PCCA: variants seen among roughly 807,000 people sequenced by gnomAD.
The protein encoded by PCCA is propionyl-CoA carboxylase subunit alpha.
PCCA carries 74 observed loss-of-function variants against 101.3 expected under a neutral mutation model. The ratio of observed to expected loss-of-function variants is 0.73; its 90% CI spans 0.61 to 0.89. The LOEUF is 0.89. PCCA is among the 40% of genes least tolerant of loss of function. The pLI is 0.00. For missense variants in PCCA, 891 were observed against 907.0 expected (o/e 0.98, Z 0.23); for synonymous variants, 294 against 313.6 (o/e 0.94, Z 0.66).
Position 100,155,051 on chromosome 13 carries a change from G to A in PCCA, c.373G>A (p.Asp125Asn), listed in dbSNP as rs1202900562. The change falls in exon 5 of 24, where the codon GAT becomes AAT. Residue 125 changes from aspartate (D) to asparagine (N), a missense_variant. Asp to Asn is a conservative substitution (Grantham distance 23). Transcript: ENST00000376285. ...CACCAGTAAAAGCTACCTCAACATG[G>A]ATGCCATCATGGAAGCCATTAAGAA... ...APTSKSYLNM[D>N]AIMEAIKKTR... 3.1e-6 allele frequency: 5 copies of A among 1,613,850 alleles called. No individual in the cohort carries two copies. In the Admixed American group the frequency reaches 6.7e-5, roughly 22 times the overall value.
intron 21 of PCCA, among the ~76,000 whole-genome samples, chr13:100,475,788 A>C (rs945937477): frequency 1.3e-5 from 2 of 152,124 alleles, no homozygotes; most frequent in Non-Finnish European, 2.9e-5. Flanking sequence ...AGTTCTTCCC[A>C]CATCCTCACT....
intron 18 of PCCA, among the ~76,000 whole-genome samples, chr13:100,341,667 G>C (rs190169729): frequency 1.3e-5 from 2 of 152,150 alleles, no homozygotes; most frequent in African/African-American, 4.8e-5. Context: ...TGTTGCTTTT[G>C]TTTTAAAACC....
intron 18 of PCCA, among the ~76,000 whole-genome samples, chr13:100,354,184 G>A (rs867782855): frequency 6.6e-6 from 1 of 150,862 alleles, no homozygotes; most frequent in South Asian, 2.1e-4. Flanking sequence ...GCTGAGGTGG[G>A]AGGATCGGTT....
chr13:100,259,329 GTTTT>G (rs5806157), intron 9 of PCCA, among the ~76,000 whole-genome samples: 1 of 65,332 alleles, frequency 1.5e-5, no homozygotes, highest in Non-Finnish European at 2.8e-5. Flanking sequence ...AAATGTAATG[GTTTT>G]TTTTTTTTTT....
At chr13:100,425,598 C>T (rs2079086833) in intron 19 of PCCA, 35 bp from the exon 20 acceptor site, 1 of 1,424,472 alleles carries the variant, frequency 7.0e-7, no homozygotes, top group African/African-American at 1.4e-5. Context: ...TTCTGTCTTT[C>T]TTCATGGTAA....
intron 4 of PCCA, among the ~76,000 whole-genome samples, chr13:100,125,135 T>TTGTGTGTGTGTGTGTGTGTG (rs3034643): frequency 1.5e-3 from 218 of 149,224 alleles, no homozygotes; most frequent in African/African-American, 5.2e-3. Flanking sequence ...GACCTTTTAT[T>TTGTGTGTGTGTGTGTGTGTG]TGTGTGTGTG....
At chr13:100,208,213 C>T (rs1405760397) in intron 6 of PCCA, among the ~76,000 whole-genome samples, 4 of 152,166 alleles carry the variant, frequency 2.6e-5, no homozygotes, top group African/African-American at 9.7e-5. Context: ...TCTACTTCTA[C>T]TTCCTGCTCG....
chr13:100,355,099 G>A (rs1467079088), intron 18 of PCCA, among the ~76,000 whole-genome samples: 1 of 151,926 alleles, frequency 6.6e-6, no homozygotes, highest in Non-Finnish European at 1.5e-5. Flanking sequence ...TATATACAGT[G>A]ATATACATCA....
intron 8 of PCCA, among the ~76,000 whole-genome samples, chr13:100,256,986 A>AT (rs2062118152): frequency 6.6e-6 from 1 of 152,160 alleles, no homozygotes; most frequent in Admixed American, 6.6e-5. Context: ...TTGTATTTTC[A>AT]TAACACCCTG....
intron 4 of PCCA, among the ~76,000 whole-genome samples, chr13:100,134,837 C>T (rs1298158831): frequency 1.3e-5 from 2 of 152,048 alleles, no homozygotes; most frequent in Admixed American, 1.3e-4. Flanking sequence ...CATGCCTAGC[C>T]TGTTTAGGTC....
intron 7 of PCCA, among the ~76,000 whole-genome samples, chr13:100,213,715 G>T (rs1211443463): frequency 1.3e-5 from 2 of 152,134 alleles, no homozygotes; most frequent in Non-Finnish European, 2.9e-5. Context: ...CCTTGGCTGT[G>T]TGGAAGCTTT....
In PCCA at chr13:100,209,280, A is replaced by T. The variant is rs139804949; in HGVS notation, c.469-52A>T. The T allele has an allele frequency of 1.3e-5, 20 of 1,552,540 alleles. No homozygotes were observed. The African/African-American group carries it at 2.6e-4, about 20-fold the overall frequency. On this transcript the variant is annotated intron_variant, in intron 6 of 23. Coordinates refer to ENST00000376285, the MANE Select transcript of PCCA (RefSeq NM_000282.4). ...TTCTTTTATAAAATTGTGACTCCAC[A>T]TCATGCTCCGTAATGTTCTTGTTAT...
intron 6 of PCCA, among the ~76,000 whole-genome samples, chr13:100,182,851 C>T (rs2056924374): frequency 6.6e-6 from 1 of 152,124 alleles, no homozygotes; most frequent in South Asian, 2.1e-4. Flanking sequence ...CTGCCTTTTG[C>T]CACTCCCGTC....
At position 100,530,237 on chromosome 13, in the gene PCCA, T is replaced by C. The variant is rs974882971; in HGVS notation, c.*71T>C. ...GCATGATGCTTTCACACACAATTGATTCAAGCATTATACAGGAACACCCCT... is the reference window on the plus strand; with the variant it reads ...GCATGATGCTTTCACACACAATTGACTCAAGCATTATACAGGAACACCCCT... On this transcript the variant is annotated 3_prime_UTR_variant, in exon 24 of 24. Transcript: ENST00000376285. 5 of 1,227,026 alleles carry C rather than the reference T, an allele frequency of 4.1e-6. No homozygotes were observed. In the Admixed American group the frequency reaches 8.7e-5, roughly 21 times the overall value. 76.0% of individuals were successfully genotyped at this position (1,227,026 alleles called of 1,614,324 possible). A position where few individuals can be genotyped will look rare whatever the true frequency, so the allele number is the denominator to read the frequency against.
chr13:100,243,406 C>T (rs1463007010), intron 8 of PCCA, among the ~76,000 whole-genome samples: 1 of 152,152 alleles, frequency 6.6e-6, no homozygotes, highest in Non-Finnish European at 1.5e-5. Flanking sequence ...CTATAATTTT[C>T]TCCCTTTTCC....
chr13:100,305,391 A>G (rs1394667439), intron 14 of PCCA, among the ~76,000 whole-genome samples: 1 of 152,210 alleles, frequency 6.6e-6, no homozygotes, highest in Non-Finnish European at 1.5e-5. Flanking sequence ...GAAGAACATA[A>G]TAAATATTCT....
intron 4 of PCCA, among the ~76,000 whole-genome samples, chr13:100,131,734 A>C (rs1277544211): frequency 6.6e-6 from 1 of 152,146 alleles, no homozygotes; most frequent in Non-Finnish European, 1.5e-5. Context: ...AGTGACAGAT[A>C]CTCAACCTTT....
chr13:100,448,496 G>T (rs1277975522), intron 20 of PCCA, among the ~76,000 whole-genome samples: 1 of 152,124 alleles, frequency 6.6e-6, no homozygotes, highest in African/African-American at 2.4e-5. Context: ...TGGCCCAACA[G>T]ACCAGTTTTG....
At chr13:100,419,005 G>GT (rs1258472519) in intron 19 of PCCA, among the ~76,000 whole-genome samples, 2 of 151,066 alleles carry the variant, frequency 1.3e-5, no homozygotes, top group Admixed American at 6.6e-5. Flanking sequence ...TCACCCCAGG[G>GT]TTTTTTTCTT....
Sources: allele counts gnomAD v4.1 joint callset (sites outside exome capture counted in the v4.1 genomes callset), GRCh38; gene constraint gnomAD v4.1.1; transcripts MANE v1.5; gene names NCBI Gene and HGNC (gene_info 2026-07-23, HGNC 2026-07-21).